The following MYO5B variants were observed in gnomAD, a reference collection of about 807,000 sequenced individuals.
MYO5B encodes unconventional myosin-Vb.
A neutral mutation model predicts 229.3 loss-of-function variants in MYO5B; 143 were observed. The ratio of observed to expected loss-of-function variants is 0.62; its 90% CI spans 0.54 to 0.72. MYO5B has a LOEUF of 0.72. MYO5B is among the 30% of genes least tolerant of loss of function. The probability of loss-of-function intolerance (pLI) is 0.00; values close to 1 mark genes in which losing one functional copy is unlikely to be tolerated. For synonymous variants in MYO5B, 918 were observed against 885.2 expected (o/e 1.04, Z -0.66); for missense variants, 2,321 against 2,331.0 (o/e 1.00, Z 0.09).
chr18:50,139,683 G>A (rs2032388185), intron 1 of MYO5B, among the ~76,000 whole-genome samples: 1 of 152,046 alleles, frequency 6.6e-6, no homozygotes, highest in Admixed American at 6.6e-5. Flanking sequence ...AGTAACAAGG[G>A]CCCTGGGCTT....
rs1285702626 is a variant in MYO5B at position 49,980,513 on chromosome 18, A to G, written c.987T>C (p.Ile329=). Residue 329 remains isoleucine, a synonymous_variant, in exon 9 of 40, where the codon ATT becomes ATC. Coordinates refer to ENST00000285039, the MANE Select transcript of MYO5B (RefSeq NM_001080467.3). ...ESHQMSIFKI[I]ASILHLGSVA... is the part of the protein sequence containing the mutation. ...CACTTCCAAGGTGCAAGATAGAAGC[A>G]ATTATCTTAAAAATGCTCATCTGAT... 2 of 1,613,880 alleles carry G rather than the reference A, an allele frequency of 1.2e-6. No homozygotes were observed. The highest frequency in any genetic ancestry group is 1.7e-6 in the Non-Finnish European group (2 of 1,179,882).
chr18:49,981,621 GTTC>G (rs1369951000), intron 8 of MYO5B, among the ~76,000 whole-genome samples: 4 of 152,194 alleles, frequency 2.6e-5, no homozygotes. Flanking sequence ...ATGAATCCCT[GTTC>G]TTGCTTGTCA....
At position 50,171,591 on chromosome 18, in the gene MYO5B, C is replaced by T. The variant is rs542050164; in HGVS notation, c.27+23176G>A. Among the ~76,000 whole-genome samples the T allele has an allele frequency of 1.5e-3, 189 of 128,410 alleles. 55 individuals carry two copies. The highest frequency in any genetic ancestry group is 5.1e-3 in the African/African-American group (172 of 34,040). 84.2% of individuals were successfully genotyped at this position (128,410 alleles called of 152,430 possible). A position where few individuals can be genotyped will look rare whatever the true frequency, so the allele number is the denominator to read the frequency against. On this transcript the variant is annotated intron_variant, in intron 1 of 39. Transcript: ENST00000285039. ...AAATGATAGATGATCAGTTACTATG[C>T]TCTGGATATAAGGGAGGCTTCAACC...
At chr18:50,062,621 G>A (rs1266028180) in intron 1 of MYO5B, among the ~76,000 whole-genome samples, 2 of 152,134 alleles carry the variant, frequency 1.3e-5, no homozygotes, top group African/African-American at 4.8e-5. Flanking sequence ...GATTAATTAA[G>A]CCCTGCACCC....
intron 22 of MYO5B, among the ~76,000 whole-genome samples, chr18:49,886,753 G>A (rs1479050358): frequency 6.6e-6 from 1 of 152,122 alleles, no homozygotes; most frequent in Non-Finnish European, 1.5e-5. Flanking sequence ...TACAGAAGAA[G>A]AAGCACCGAC....
At chr18:50,005,057 G>C (rs952673735) in intron 4 of MYO5B, among the ~76,000 whole-genome samples, 2 of 152,164 alleles carry the variant, frequency 1.3e-5, no homozygotes, top group African/African-American at 4.8e-5. Context: ...TAGTCACCAT[G>C]ATTAAGATAC....
intron 14 of MYO5B, among the ~76,000 whole-genome samples, chr18:49,943,183 A>C (rs2025335653): frequency 1.6e-5 from 2 of 128,156 alleles, no homozygotes; most frequent in African/African-American, 6.0e-5. Flanking sequence ...ACATGGACAC[A>C]GGAAGGGGAA....
chr18:49,864,531 G>A, intron 27 of MYO5B, 151 bp from the exon 28 acceptor site: 1 of 1,120,312 alleles, frequency 8.9e-7, no homozygotes, highest in Non-Finnish European at 1.3e-6. Context: ...CCATCAGCAA[G>A]CAGTCAAAGC....
chr18:49,993,572 C>T (rs1333561444), intron 5 of MYO5B, among the ~76,000 whole-genome samples: 4 of 152,178 alleles, frequency 2.6e-5, no homozygotes, highest in South Asian at 4.1e-4. Flanking sequence ...CTAGGTCCAG[C>T]TCTGCACCAG....
At chr18:49,842,643 T>G (rs1218381832) in intron 34 of MYO5B, among the ~76,000 whole-genome samples, 1 of 152,148 alleles carries the variant, frequency 6.6e-6, no homozygotes, top group Non-Finnish European at 1.5e-5. Flanking sequence ...GGCCTCACCC[T>G]CCCTGCAGGC....
chr18:49,861,149 C>G (rs963694870), intron 29 of MYO5B, among the ~76,000 whole-genome samples: 12 of 152,244 alleles, frequency 7.9e-5, no homozygotes, highest in African/African-American at 2.9e-4. Flanking sequence ...CTGTACTTAA[C>G]TCAGTTTCAC....
rs2024136881 is a variant in MYO5B at position 49,847,030 on chromosome 18, G to T, written c.4459+116C>A. The T allele has an allele frequency of 4.5e-6, 6 of 1,339,978 alleles. No homozygotes were observed. The East Asian group carries it at 1.2e-4, about 26-fold the overall frequency. The allele number at this position is 1,339,978 out of a possible 1,614,324, so 83.0% of individuals were successfully genotyped here. On this transcript the variant is annotated intron_variant, in intron 33 of 39. Transcript: ENST00000285039. ...GGTGCAAGGGCAAGTAGGAGACAGA[G>T]GGTGGGGGCTGTGCAGGAGGTGAAG...
chr18:49,939,811 A>G (rs1250358017), intron 14 of MYO5B, among the ~76,000 whole-genome samples: 1 of 152,234 alleles, frequency 6.6e-6, no homozygotes, highest in Admixed American at 6.5e-5. Flanking sequence ...AAAGGGCTTC[A>G]GATATAGCCT....
Position 49,953,356 on chromosome 18 carries a change from CA to C in MYO5B, c.1669-14del. 6.2e-7 allele frequency: 1 copy of C among 1,612,358 alleles called. No homozygotes were observed. Among genetic ancestry groups the C allele is most frequent in the Non-Finnish European group, 8.5e-7 (1 of 1,178,330 alleles). On this transcript the variant is annotated splice_polypyrimidine_tract_variant and intron_variant, in intron 13 of 39. Transcript: ENST00000285039. The stretch of plus-strand genomic sequence containing the variant: ...AGAGGTACTCCACCTGGGGCCACAG[CA>C]ACCAGAGAGAGACACAGTCGTTAGT...
intron 14 of MYO5B, among the ~76,000 whole-genome samples, chr18:49,945,163 C>T (rs530111732): frequency 6.6e-6 from 1 of 152,274 alleles, no homozygotes; most frequent in South Asian, 2.1e-4. Context: ...TCCAGAGCCT[C>T]ATCCTCACCA....
At chr18:50,092,102 G>C (rs2031459419) in intron 1 of MYO5B, among the ~76,000 whole-genome samples, 1 of 152,126 alleles carries the variant, frequency 6.6e-6, no homozygotes, top group African/African-American at 2.4e-5. Flanking sequence ...TTCAAAGACA[G>C]AGACCAGGAA....
At chr18:50,115,547 GACACACACACAC>G (rs56886992) in intron 1 of MYO5B, among the ~76,000 whole-genome samples, 54 of 125,178 alleles carry the variant, frequency 4.3e-4, no homozygotes, top group Middle Eastern at 4.3e-3. Context: ...CACACAGAGA[GACACACACACAC>G]ACACACACAC....
rs201517866 is a variant in MYO5B at position 49,915,345 on chromosome 18, A to T, written c.2091-3172T>A. Among the ~76,000 whole-genome samples, 9 of 152,272 alleles carry T rather than the reference A, an allele frequency of 5.9e-5. No individual in the cohort carries two copies. In the East Asian group the frequency reaches 1.2e-3, roughly 20 times the overall value. ...ACTAACCTACTTTGTCTCTATGCCC[A>T]TTCCCTCTTTAATTGGTCCCATGTG... is the stretch of plus-strand genomic sequence containing the variant. On this transcript the variant is annotated intron_variant, in intron 17 of 39. Coordinates refer to ENST00000285039, the MANE Select transcript of MYO5B (RefSeq NM_001080467.3).
chr18:49,959,490 C>T (rs748713502), intron 12 of MYO5B, among the ~76,000 whole-genome samples: 57 of 152,304 alleles, frequency 3.7e-4, no homozygotes, highest in Middle Eastern at 3.4e-3. Context: ...GCAGGCTGGG[C>T]CAGGTGAGGA....
Sources: gnomAD v4.1 joint callset for allele counts (sites outside exome capture counted in the v4.1 genomes callset) on GRCh38, gnomAD v4.1.1 for gene constraint, MANE v1.5 for transcripts, NCBI Gene and HGNC (gene_info 2026-07-23, HGNC 2026-07-21) for gene names.